The following PDHX variants were observed in gnomAD, a reference collection of about 807,000 sequenced individuals.
PDHX encodes the protein pyruvate dehydrogenase complex component X.
A neutral mutation model predicts 55.3 loss-of-function variants in PDHX; 33 were observed. That is an observed-to-expected ratio of 0.60 (90% CI 0.45 to 0.80). The LOEUF is 0.80. PDHX is among the 30% of genes least tolerant of loss of function. The probability of loss-of-function intolerance (pLI) is 0.00; values close to 1 mark genes in which losing one functional copy is unlikely to be tolerated. For synonymous variants in PDHX, 226 were observed against 219.4 expected (o/e 1.03, Z -0.27); for missense variants, 622 against 619.9 (o/e 1.00, Z -0.04).
At chr11:34,978,082 A>G (rs756251714) in intron 7 of PDHX, 42 bp from the exon 8 acceptor site, 1 of 1,015,064 alleles carries the variant, frequency 9.9e-7, no homozygotes, top group Non-Finnish European at 1.6e-6. Flanking sequence ...TGTTAAAGTT[A>G]TATTAGGAAT....
chr11:34,965,278 T>C (rs1855107500), intron 5 of PDHX, among the ~76,000 whole-genome samples: 1 of 152,180 alleles, frequency 6.6e-6, no homozygotes, highest in Admixed American at 6.5e-5. Flanking sequence ...GTTTTCTTTC[T>C]AGCTCTCAGC....
chr11:34,932,468 C>T (rs996686165), intron 2 of PDHX, among the ~76,000 whole-genome samples: 1 of 152,152 alleles, frequency 6.6e-6, no homozygotes, highest in Non-Finnish European at 1.5e-5. Flanking sequence ...ATGACTCTTA[C>T]ACGTAGAAAA....
At chr11:34,936,609 C>T in intron 2 of PDHX, among the ~76,000 whole-genome samples, 1 of 151,694 alleles carries the variant, frequency 6.6e-6, no homozygotes, top group South Asian at 2.1e-4. Flanking sequence ...CATACTTTTG[C>T]AACAGCAGGT....
intron 3 of PDHX, among the ~76,000 whole-genome samples, chr11:34,949,322 C>T (rs1462154372): frequency 1.3e-5 from 2 of 152,184 alleles, no homozygotes; most frequent in East Asian, 1.9e-4. Flanking sequence ...TCATCACAAC[C>T]TCCGCCTCCT....
intron 10 of PDHX, among the ~76,000 whole-genome samples, chr11:34,994,316 C>T (rs1590776799): frequency 6.6e-6 from 1 of 152,124 alleles, no homozygotes; most frequent in African/African-American, 2.4e-5. Context: ...CTAAACATAT[C>T]TAAGCATTTT....
At chr11:34,964,398 G>A (rs1006203807) in intron 5 of PDHX, among the ~76,000 whole-genome samples, 6 of 152,174 alleles carry the variant, frequency 3.9e-5, no homozygotes, top group Non-Finnish European at 8.8e-5. Flanking sequence ...GAGGCCAGGA[G>A]TTTGAGACCA....
At chr11:34,991,646 T>C (rs1392959612) in intron 9 of PDHX, among the ~76,000 whole-genome samples, 3 of 152,004 alleles carry the variant, frequency 2.0e-5, no homozygotes, top group Non-Finnish European at 2.9e-5. Context: ...TGGTGGCTCA[T>C]ACCTGTAATC....
chr11:34,944,079 A>ACG (rs200623178), intron 2 of PDHX, among the ~76,000 whole-genome samples: 6,180 of 147,728 alleles, frequency 0.042, 185 homozygotes, highest in South Asian at 0.077. Context: ...TAATACAAAT[A>ACG]TGTGTGTGTG....
chr11:34,940,207 A>G (rs1317888431), intron 2 of PDHX, among the ~76,000 whole-genome samples: 1 of 152,186 alleles, frequency 6.6e-6, no homozygotes, highest in Non-Finnish European at 1.5e-5. Context: ...ACTTAGCCAC[A>G]CCCACAGTGC....
intron 4 of PDHX, among the ~76,000 whole-genome samples, chr11:34,958,414 C>T (rs1565160342): frequency 6.6e-6 from 1 of 152,066 alleles, no homozygotes. Context: ...GATTCTCCTG[C>T]CTCAGCCTCC....
Position 34,931,387 on chromosome 11 carries a change from CT to C in PDHX, c.161-10del, listed in dbSNP as rs771708416. On this transcript the variant is annotated splice_polypyrimidine_tract_variant and intron_variant, in intron 1 of 10. Transcript: ENST00000227868. ...CATTATTTGTTGTGGCTCATCTTTC[CT>C]TTTTTTCAATTTCAGGTGATCCCAT... is the stretch of plus-strand genomic sequence containing the variant. 1.4e-5 allele frequency: 21 copies of C among 1,484,210 alleles called. No individual in the cohort carries two copies. The highest frequency in any genetic ancestry group is 2.3e-5 in the South Asian group (2 of 87,456). The allele number at this position is 1,484,210 out of a possible 1,614,324, so 91.9% of individuals were successfully genotyped here.
At chr11:34,980,982 T>C (rs2767039) in intron 8 of PDHX, among the ~76,000 whole-genome samples, 91,032 of 152,008 alleles carry the variant, frequency 0.6, 28,804 homozygotes, top group East Asian at 0.75. Context: ...AGGCATTTCA[T>C]CATTTGATGA....
chr11:34,977,653 G>A (rs1263364217), intron 7 of PDHX: 6 of 365,416 alleles, frequency 1.6e-5, no homozygotes, highest in Middle Eastern at 3.8e-4. Flanking sequence ...TATATATAAA[G>A]TACCTACATG....
intron 1 of PDHX, 59 bp downstream of exon 1, chr11:34,916,874 G>A: frequency 1.4e-6 from 2 of 1,475,572 alleles, no homozygotes; most frequent in Non-Finnish European, 1.8e-6. Flanking sequence ...CCTGGGACAG[G>A]GGCAGTTATG....
intron 2 of PDHX, among the ~76,000 whole-genome samples, chr11:34,937,482 C>CAAGG (rs1228203946): frequency 7.1e-6 from 1 of 140,328 alleles, no homozygotes; most frequent in Non-Finnish European, 1.5e-5. Context: ...GTGGAAGGAG[C>CAAGG]AAGGAAGGGA....
chr11:34,993,573 A>G (rs1398056146), intron 10 of PDHX, among the ~76,000 whole-genome samples: 2 of 152,062 alleles, frequency 1.3e-5, no homozygotes, highest in Non-Finnish European at 2.9e-5. Flanking sequence ...ATAGCATTGA[A>G]AAGGTGATTA....
rs3852519 is a variant in PDHX, at chr11:34,961,380, T to G, written c.641+862T>G. Among the ~76,000 whole-genome samples the G allele has an allele frequency of 5.9e-3, 906 of 152,344 alleles. 5 individuals carry two copies. The highest frequency in any genetic ancestry group is 8.5e-3 in the Non-Finnish European group (577 of 68,024). ...GACAAAGATTAATCAAATAGGCTTATGAACTAATGTAAGATTTCAGTAGTG... is the reference window on the plus strand; with the variant it reads ...GACAAAGATTAATCAAATAGGCTTAGGAACTAATGTAAGATTTCAGTAGTG... On this transcript the variant is annotated intron_variant, in intron 5 of 10. Transcript: ENST00000227868.
chr11:34,984,767 A>G (rs1285799197), intron 9 of PDHX, 39 bp downstream of exon 9: 2 of 1,592,518 alleles, frequency 1.3e-6, no homozygotes, highest in African/African-American at 1.3e-5. Context: ...AAATGTTAGC[A>G]TATACTTTTG....
At chr11:34,977,037 G>A (rs539564985) in intron 7 of PDHX, among the ~76,000 whole-genome samples, 4 of 152,248 alleles carry the variant, frequency 2.6e-5, no homozygotes, top group African/African-American at 9.6e-5. Context: ...AAGCAAAAAT[G>A]TTTATATATT....
Sources: allele counts gnomAD v4.1 joint callset (sites outside exome capture counted in the v4.1 genomes callset), GRCh38; gene constraint gnomAD v4.1.1; transcripts MANE v1.5; gene names NCBI Gene and HGNC (gene_info 2026-07-23, HGNC 2026-07-21).